Variants in FOXI3 observed in about 807,000 individuals in gnomAD.
FOXI3 encodes forkhead box protein I3.
Under a neutral mutation model 15.6 loss-of-function variants are expected in FOXI3, and 4 were observed. That is an observed-to-expected ratio of 0.26 (90% CI 0.13 to 0.59). The LOEUF (loss-of-function observed/expected upper bound fraction) is 0.59. Ranked by LOEUF, FOXI3 falls within the 20% of genes least tolerant of loss-of-function variation. The pLI is 0.90. For synonymous variants in FOXI3, 238 were observed against 244.4 expected, an observed-to-expected ratio of 0.97 and a Z score of 0.25; for missense variants, 489 against 548.2, an observed-to-expected ratio of 0.89 and a Z score of 1.08.
In FOXI3 at chr2:88,451,910, T is replaced by G; in HGVS notation, c.626A>C (p.Asp209Ala). 6.2e-7 allele frequency: 1 copy of G among 1,613,564 alleles called. No individual in the cohort carries two copies. The highest frequency in any genetic ancestry group is 8.5e-7 in the Non-Finnish European group (1 of 1,179,768). ...LNDCFKKVPR[D>A]EDDPGKGNYW... Reference sequence around the variant, plus strand: ...GCGGCCCTCACCTGGGTCGTCCTCGTCGCGGGGCACCTTCTTGAAGCAGTC... The same window carrying G: ...GCGGCCCTCACCTGGGTCGTCCTCGGCGCGGGGCACCTTCTTGAAGCAGTC... Residue 209 changes from aspartate (D) to alanine (A), a missense_variant, in exon 1 of 2, where the codon GAC becomes GCC. By Grantham distance (126) the Asp-to-Ala change is moderately radical. This residue lies in a region of FOXI3 where 263 missense variants were observed against 285.5 expected (regional missense o/e 0.92). Transcript: ENST00000428390.
chr2:88,449,344 T>C (rs987453596), intron 1 of FOXI3, among the ~76,000 whole-genome samples: 4 of 152,184 alleles, frequency 2.6e-5, no homozygotes, highest in Non-Finnish European at 2.9e-5. Context: ...TGGCACAGAG[T>C]AAGCAGTGCA....
chr2:88,448,437 C>T lies in FOXI3; in HGVS notation c.1033G>A (p.Ala345Thr). 6 of 1,551,620 alleles carry T rather than the reference C, an allele frequency of 3.9e-6. No individual in the cohort carries two copies. Among genetic ancestry groups the T allele is most frequent in the Non-Finnish European group, 5.2e-6 (6 of 1,146,974 alleles). Residue 345 changes from alanine (A) to threonine (T), a missense_variant, in exon 2 of 2, where the codon GCC becomes ACC. Around this residue, in one of 3 missense-constraint regions of FOXI3, gnomAD observed 263 missense variants for 285.5 expected, o/e 0.92. Transcript: ENST00000428390. ...AACACGCCGCTGGAGGGCAGCTGGG[C>T]CCCCTGGATCCCTAGGTGGCGGCTG... ...PGSRHLGIQG[A>T]QLPSSGVFSP... is the part of the protein sequence containing the mutation.
At chr2:88,450,320 CTT>C (rs1676019994) in intron 1 of FOXI3, among the ~76,000 whole-genome samples, 1 of 151,272 alleles carries the variant, frequency 6.6e-6, no homozygotes, top group East Asian at 2.0e-4. Context: ...GTCCCAGCTA[CTT>C]GGGAGGCTAA....
chr2:88,452,264 G>C lies in FOXI3; in HGVS notation c.272C>G (p.Pro91Arg). The C allele has an allele frequency of 2.0e-6, 2 of 997,298 alleles. No homozygotes were observed. Among genetic ancestry groups the C allele is most frequent in the Non-Finnish European group, 2.4e-6 (2 of 839,482 alleles). 61.8% of individuals were successfully genotyped at this position (997,298 alleles called of 1,614,324 possible). The change falls in exon 1 of 2, where the codon CCC (proline) becomes CGC (arginine). Residue 91 changes from proline (P) to arginine (R), a missense_variant. Coordinates refer to ENST00000428390, the MANE Select transcript of FOXI3 (RefSeq NM_001135649.3). ...PPPPPGAAAGPFLQPPPAAGT... is the reference protein window; with the variant it reads ...PPPPPGAAAGRFLQPPPAAGT... ...GGCGGCAGGCGGTGGCTGCAGAAAG[G>C]GCCCGGCCGCGGCCCCGGGGGGCGG...
At chr2:88,451,762 T>A (rs1449492998) in intron 1 of FOXI3, 134 bp downstream of exon 1, 1 of 1,333,182 alleles carries the variant, frequency 7.5e-7, no homozygotes, top group Non-Finnish European at 1.0e-6. Flanking sequence ...TGGTTATTCC[T>A]CCATCCGCTC....
Position 88,448,632 on chromosome 2 carries a change from T to C in FOXI3, c.838A>G (p.Thr280Ala). The C allele has an allele frequency of 6.4e-7, 1 of 1,551,524 alleles. No individual in the cohort carries two copies. The highest frequency in any genetic ancestry group is 8.7e-7 in the Non-Finnish European group (1 of 1,146,944). Residue 280 changes from threonine (T) to alanine (A), a missense_variant, in exon 2 of 2, where the codon ACT becomes GCT. Thr to Ala is a moderately conservative substitution (Grantham distance 58, BLOSUM62 0). Around this residue, in one of 3 missense-constraint regions of FOXI3, gnomAD observed 263 missense variants for 285.5 expected, o/e 0.92. Coordinates refer to ENST00000428390, the MANE Select transcript of FOXI3 (RefSeq NM_001135649.3). ...GGGGAGTGGGAAGGCCTCAGCAGAG[T>C]GGAGGGGCTCTCTTCTTCTGGCTTC... ...GGKPEEESPSTLLRPSHSPEP... is the reference protein window; with the variant it reads ...GGKPEEESPSALLRPSHSPEP...
Position 88,448,832 on chromosome 2 carries a change from G to A in FOXI3, c.641-3C>T. ...AAGAGTCCAATAATTACCCTTTCCTGAGAAGATGAGAAAGACCAAGTTAGA... is the reference window on the plus strand; with the variant it reads ...AAGAGTCCAATAATTACCCTTTCCTAAGAAGATGAGAAAGACCAAGTTAGA... On this transcript the variant is annotated splice_polypyrimidine_tract_variant and splice_region_variant and intron_variant, in intron 1 of 1. Transcript: ENST00000428390. The A allele has an allele frequency of 1.9e-6, 3 of 1,545,012 alleles. No individual in the cohort carries two copies. Among genetic ancestry groups the A allele is most frequent in the African/African-American group, 2.7e-5 (2 of 72,904 alleles).
chr2:88,452,429 G>T lies in FOXI3; in HGVS notation c.107C>A (p.Pro36His), dbSNP rs907755356. The change falls in exon 1 of 2, where the codon CCT (proline) becomes CAT (histidine). Residue 36 changes from proline to histidine, a missense_variant. Physicochemically the swap from Pro to His is moderately conservative, Grantham distance 77. Coordinates refer to ENST00000428390, the MANE Select transcript of FOXI3 (RefSeq NM_001135649.3). ...CGCGGCGTAGTCGGCCAGCCCGTAA[G>T]GCGCCCTGGCTGCCGGGGGGGCGCC... ...APGAPPAARA[P>H]YGLADYAAPP... The T allele has an allele frequency of 9.7e-7, 1 of 1,026,386 alleles. No homozygotes were observed. The highest frequency in any genetic ancestry group is 1.7e-5 in the African/African-American group (1 of 57,546). 63.6% of individuals were successfully genotyped at this position (1,026,386 alleles called of 1,614,324 possible).
intron 1 of FOXI3, among the ~76,000 whole-genome samples, chr2:88,449,468 C>A (rs958874704): frequency 6.6e-6 from 1 of 152,160 alleles, no homozygotes; most frequent in African/African-American, 2.4e-5. Context: ...TATTACTGAG[C>A]AACTGTTTTA....
At position 88,448,224 on chromosome 2, in the gene FOXI3, C is replaced by T; in HGVS notation, c.1246G>A (p.Glu416Lys). ...SMVNSLIYPR[E>K]GSEV ...AGTCTGCTCTACACCTCGGAGCCCT[C>T]TCGGGGGTAGATGAGGCTGTTCACC... The change falls in exon 2 of 2, where the codon GAG becomes AAG. Residue 416 changes from glutamate (E) to lysine (K), a missense_variant. Physicochemically the swap from Glu to Lys is moderately conservative, Grantham distance 56. This residue lies in a region of FOXI3 where 263 missense variants were observed against 285.5 expected (regional missense o/e 0.92). Coordinates refer to ENST00000428390, the MANE Select transcript of FOXI3 (RefSeq NM_001135649.3). The T allele has an allele frequency of 6.4e-7, 1 of 1,551,540 alleles. No individual in the cohort carries two copies. Among genetic ancestry groups the T allele is most frequent in the Non-Finnish European group, 8.7e-7 (1 of 1,146,960 alleles).
In FOXI3 at chr2:88,452,411, T is replaced by G; in HGVS notation, c.125A>C (p.Tyr42Ser). The stretch of plus-strand genomic sequence containing the variant: ...GGCGGCGGCGGCCGGCGGCGCGGCG[T>G]AGTCGGCCAGCCCGTAAGGCGCCCT... ...AARAPYGLAD[Y>S]AAPPAAAANP... The change falls in exon 1 of 2, where the codon TAC becomes TCC. Residue 42 changes from tyrosine (Y) to serine (S), a missense_variant. Physicochemically the swap from Tyr to Ser is moderately radical, Grantham distance 144. This residue lies in a region of FOXI3 where 224 missense variants were observed against 245.7 expected (regional missense o/e 0.91). Transcript: ENST00000428390. 1 of 1,000,776 alleles carries G rather than the reference T, an allele frequency of 1.0e-6. No individual in the cohort carries two copies. Among genetic ancestry groups the G allele is most frequent in the Non-Finnish European group, 1.2e-6 (1 of 842,922 alleles). 62.0% of individuals were successfully genotyped at this position (1,000,776 alleles called of 1,614,324 possible).
intron 1 of FOXI3, among the ~76,000 whole-genome samples, chr2:88,449,863 C>G (rs1676012249): frequency 6.6e-6 from 1 of 152,154 alleles, no homozygotes; most frequent in African/African-American, 2.4e-5. Flanking sequence ...GATAGGAGAA[C>G]TGGGGTGCAG....
In FOXI3 at chr2:88,447,218, T is replaced by C. The variant is rs1162531741; in HGVS notation, c.*989A>G. ...AACAGTGCCTGGCACACAAGGCTGC[T>C]TGTGCCATTTTATTGCCATTAGAAT... is the stretch of plus-strand genomic sequence containing the variant. On this transcript the variant is annotated 3_prime_UTR_variant, in exon 2 of 2. Coordinates refer to ENST00000428390, the MANE Select transcript of FOXI3 (RefSeq NM_001135649.3). 6.6e-6 allele frequency: 1 copy of C among 152,248 alleles called. No homozygotes were observed. Among genetic ancestry groups the C allele is most frequent in the Non-Finnish European group, 1.5e-5 (1 of 68,062 alleles). 9.4% of individuals were successfully genotyped at this position (152,248 alleles called of 1,614,324 possible). A position where few individuals can be genotyped will look rare whatever the true frequency, so the allele number is the denominator to read the frequency against.
chr2:88,452,550 G>T lies in FOXI3; in HGVS notation c.-15C>A, dbSNP rs1270736364. 1.0e-5 allele frequency: 11 copies of T among 1,082,658 alleles called. No homozygotes were observed. The highest frequency in any genetic ancestry group is 4.2e-4 in the Middle Eastern group (1 of 2,394). 67.1% of individuals were successfully genotyped at this position (1,082,658 alleles called of 1,614,324 possible). A position where few individuals can be genotyped will look rare whatever the true frequency, so the allele number is the denominator to read the frequency against. On this transcript the variant is annotated 5_prime_UTR_variant, in exon 1 of 2. Coordinates refer to ENST00000428390, the MANE Select transcript of FOXI3 (RefSeq NM_001135649.3). Reference sequence around the variant, plus strand: ...TAGAGGGCCATGTCGGCGGCCGTGGGCGGCTGCGGCGCGGCCGCGGCGAGG... The same window carrying T: ...TAGAGGGCCATGTCGGCGGCCGTGGTCGGCTGCGGCGCGGCCGCGGCGAGG...
Position 88,447,967 on chromosome 2 carries a change from G to C in FOXI3, c.*240C>G. The C allele has an allele frequency of 1.8e-6, 1 of 552,558 alleles. No homozygotes were observed. The highest frequency in any genetic ancestry group is 3.1e-5 in the Admixed American group (1 of 32,784). 34.2% of individuals were successfully genotyped at this position (552,558 alleles called of 1,614,324 possible). The stretch of plus-strand genomic sequence containing the variant: ...TACCTATCACAGAAGACAGTGAAAC[G>C]GATTTCTCTCTGGAGAGGCCCACAT... On this transcript the variant is annotated 3_prime_UTR_variant, in exon 2 of 2. Coordinates refer to ENST00000428390, the MANE Select transcript of FOXI3 (RefSeq NM_001135649.3).
At position 88,452,157 on chromosome 2, in the gene FOXI3, C is replaced by A. The variant is rs1676059973; in HGVS notation, c.379G>T (p.Gly127Trp). Reference sequence around the variant, plus strand: ...GCCATGGACAGCCAGCCCAGCTCCCCGGGCCCCGCGGGCGCGGCGGGCGAG... The same window carrying A: ...GCCATGGACAGCCAGCCCAGCTCCCAGGGCCCCGCGGGCGCGGCGGGCGAG... Reference protein sequence around the residue: ...PASPAAPAGPGELGWLSMASR... With the variant: ...PASPAAPAGPWELGWLSMASR... The change falls in exon 1 of 2, where the codon GGG (glycine) becomes TGG (tryptophan). Residue 127 changes from glycine (G) to tryptophan (W), a missense_variant. Transcript: ENST00000428390. 7.3e-7 allele frequency: 1 copy of A among 1,366,590 alleles called. No individual in the cohort carries two copies. The allele number at this position is 1,366,590 out of a possible 1,614,324, so 84.7% of individuals were successfully genotyped here. A position where few individuals can be genotyped will look rare whatever the true frequency, so the allele number is the denominator to read the frequency against.
chr2:88,451,881 G>A lies in FOXI3; in HGVS notation c.640+15C>T. On this transcript the variant is annotated intron_variant, in intron 1 of 1. Coordinates refer to ENST00000428390, the MANE Select transcript of FOXI3 (RefSeq NM_001135649.3). Reference sequence around the variant, plus strand: ...CGCCCTCCCCGGCTGGGAAGCACCTGCCAGCGGCCCTCACCTGGGTCGTCC... The same window carrying A: ...CGCCCTCCCCGGCTGGGAAGCACCTACCAGCGGCCCTCACCTGGGTCGTCC... 6.2e-7 allele frequency: 1 copy of A among 1,610,144 alleles called. No individual in the cohort carries two copies. The highest frequency in any genetic ancestry group is 2.2e-5 in the East Asian group (1 of 44,682).
intron 1 of FOXI3, among the ~76,000 whole-genome samples, chr2:88,449,863 C>T (rs1676012249): frequency 6.6e-6 from 1 of 152,154 alleles, no homozygotes; most frequent in South Asian, 2.1e-4. Flanking sequence ...GATAGGAGAA[C>T]TGGGGTGCAG....
At chr2:88,450,621 T>C (rs1290396658) in intron 1 of FOXI3, among the ~76,000 whole-genome samples, 4 of 152,166 alleles carry the variant, frequency 2.6e-5, no homozygotes, top group Non-Finnish European at 5.9e-5. Flanking sequence ...CATAGACCCC[T>C]GACCTTTTAG....
Sources: gnomAD v4.1 joint callset for allele counts (sites outside exome capture counted in the v4.1 genomes callset) on GRCh38, gnomAD v4.1.1 for gene constraint, gnomAD v4.1.1 regional missense constraint, MANE v1.5 for transcripts, NCBI Gene and HGNC (gene_info 2026-07-23, HGNC 2026-07-21) for gene names.